The following MED13L variants were observed in gnomAD, a reference collection of about 807,000 sequenced individuals.
MED13L encodes mediator of RNA polymerase II transcription subunit 13-like.
Under a neutral mutation model 220.9 loss-of-function variants are expected in MED13L, and 7 were observed. The observed-to-expected ratio is 0.03, with a 90% confidence interval of 0.02 to 0.06. The LOEUF (loss-of-function observed/expected upper bound fraction) is 0.06, where lower values mean the gene tolerates loss of function less well. Among genes scored for constraint, MED13L ranks in the 10% least tolerant of loss-of-function variants. The pLI, the probability that MED13L is intolerant of heterozygous loss-of-function variation, is 1.00. For missense variants in MED13L, 1,965 were observed against 2,760.5 expected (o/e 0.71, Z 6.46); for synonymous variants, 1,011 against 1,015.2 (o/e 1.00, Z 0.08).
chr12:116,268,840 T>C (rs949647647), intron 1 of MED13L, among the ~76,000 whole-genome samples: 2 of 152,222 alleles, frequency 1.3e-5, no homozygotes, highest in African/African-American at 2.4e-5. Flanking sequence ...ATGTCTTAAA[T>C]ACATTCAACT....
At chr12:116,155,261 A>T (rs1337375039) in intron 2 of MED13L, among the ~76,000 whole-genome samples, 2 of 152,120 alleles carry the variant, frequency 1.3e-5, no homozygotes, top group Non-Finnish European at 2.9e-5. Flanking sequence ...GTCTCTACAA[A>T]AAATTTAAAA....
intron 4 of MED13L, among the ~76,000 whole-genome samples, chr12:116,031,752 A>G (rs200497121): frequency 0.015 from 468 of 31,198 alleles, 13 homozygotes; most frequent in East Asian, 0.027. Context: ...AAAGAAAAGA[A>G]AAGAAAAGAA....
chr12:116,190,605 T>C (rs1881208402), intron 2 of MED13L, among the ~76,000 whole-genome samples: 1 of 152,244 alleles, frequency 6.6e-6, no homozygotes, highest in Admixed American at 6.5e-5. Flanking sequence ...AACAATCTCA[T>C]ACTTTTTGTT....
intron 2 of MED13L, among the ~76,000 whole-genome samples, chr12:116,188,274 T>C (rs1357936765): frequency 6.6e-6 from 1 of 152,104 alleles, no homozygotes; most frequent in Non-Finnish European, 1.5e-5. Context: ...AGTTTGAGCA[T>C]AAGTATTCAT....
At chr12:116,112,524 T>C (rs1012927539) in intron 2 of MED13L, among the ~76,000 whole-genome samples, 2 of 152,216 alleles carry the variant, frequency 1.3e-5, no homozygotes, top group African/African-American at 2.4e-5. Context: ...TATCTTCTAT[T>C]AGACTTTCTG....
chr12:116,005,916 G>T lies in MED13L; in HGVS notation c.2422C>A (p.His808Asn). ...TQVTDLAPSL[H>N]DLDNIFDNSD... Reference sequence around the variant, plus strand: ...TTATCAAAGATGTTGTCTAAGTCATGCAGGGAAGGTGCCAAATCTGTTACC... The same window carrying T: ...TTATCAAAGATGTTGTCTAAGTCATTCAGGGAAGGTGCCAAATCTGTTACC... Residue 808 changes from histidine (H) to asparagine (N), a missense_variant, in exon 13 of 31, where the codon CAT becomes AAT. His to Asn is a moderately conservative substitution (Grantham distance 68). Transcript: ENST00000281928. 1 of 1,614,026 alleles carries T rather than the reference G, an allele frequency of 6.2e-7. No individual in the cohort carries two copies. Among genetic ancestry groups the T allele is most frequent in the South Asian group, 1.1e-5 (1 of 91,084 alleles).
chr12:115,993,948 C>T (rs1018150062), intron 16 of MED13L, among the ~76,000 whole-genome samples: 1 of 152,076 alleles, frequency 6.6e-6, no homozygotes, highest in Admixed American at 6.5e-5. Flanking sequence ...AAGGAGGAGT[C>T]CAGGGTGATG....
At position 116,190,949 on chromosome 12, in the gene MED13L, G is replaced by A. The variant is rs564270339; in HGVS notation, c.310+46519C>T. Among the ~76,000 whole-genome samples the A allele has an allele frequency of 1.6e-3, 237 of 151,998 alleles. 3 individuals carry two copies. In the Middle Eastern group the frequency reaches 0.017, roughly 11 times the overall value. On this transcript the variant is annotated intron_variant, in intron 2 of 30. Transcript: ENST00000281928. Reference sequence around the variant, plus strand: ...TCTACTAAAAATACAAAAATTAGTCGGGCGTGGTGGTGCGTGCCTGTAGTC... The same window carrying A: ...TCTACTAAAAATACAAAAATTAGTCAGGCGTGGTGGTGCGTGCCTGTAGTC...
chr12:116,274,404 C>A (rs1301213047), intron 1 of MED13L, among the ~76,000 whole-genome samples: 2 of 141,668 alleles, frequency 1.4e-5, no homozygotes, highest in African/African-American at 5.3e-5. Context: ...AAATACTTTT[C>A]TCTGCAAAAA....
chr12:115,987,387 G>A (rs540150491), intron 17 of MED13L, 99 bp from the exon 18 acceptor site: 18 of 1,088,028 alleles, frequency 1.7e-5, no homozygotes, highest in South Asian at 1.5e-4. Flanking sequence ...GAACAATGAC[G>A]TTATTAGCTG....
chr12:116,224,129 G>A (rs1296845562), intron 2 of MED13L, among the ~76,000 whole-genome samples: 2 of 152,138 alleles, frequency 1.3e-5, no homozygotes, highest in African/African-American at 4.8e-5. Context: ...ATAATCTGCT[G>A]GGAGCTTCTA....
At chr12:116,155,708 T>A (rs766162147) in intron 2 of MED13L, among the ~76,000 whole-genome samples, 4 of 152,128 alleles carry the variant, frequency 2.6e-5, no homozygotes, top group Non-Finnish European at 5.9e-5. Context: ...TTCACACTTT[T>A]CTATAAACAA....
At chr12:116,015,968 TTATAAA>T (rs138874811) in intron 7 of MED13L, among the ~76,000 whole-genome samples, 6,704 of 152,218 alleles carry the variant, frequency 0.044, 177 homozygotes, top group East Asian at 0.087. Flanking sequence ...AATACAGTGG[TTATAAA>T]TATAATCTAT....
intron 4 of MED13L, among the ~76,000 whole-genome samples, chr12:116,063,501 G>A (rs1262431635): frequency 6.6e-6 from 1 of 152,172 alleles, no homozygotes; most frequent in Admixed American, 6.5e-5. Flanking sequence ...CTGGGCAACA[G>A]AACAAGACCC....
At chr12:116,013,113 T>C (rs11067877) in intron 8 of MED13L, among the ~76,000 whole-genome samples, 1 of 152,266 alleles carries the variant, frequency 6.6e-6, no homozygotes, top group Admixed American at 6.5e-5. Flanking sequence ...TGGTTCATAC[T>C]TGTAATCCCA....
intron 2 of MED13L, among the ~76,000 whole-genome samples, chr12:116,132,566 G>C (rs137857691): frequency 6.7e-4 from 101 of 151,566 alleles, no homozygotes; most frequent in African/African-American, 2.3e-3. Context: ...TTTTCTACTT[G>C]CTTTTTTTTT....
chr12:116,062,149 TA>T (rs1051287539), intron 4 of MED13L, among the ~76,000 whole-genome samples: 11 of 152,212 alleles, frequency 7.2e-5, no homozygotes, highest in African/African-American at 2.6e-4. Context: ...TGCATGCCTG[TA>T]GTGCAGTTTT....
chr12:116,167,350 G>C (rs963610267), intron 2 of MED13L, among the ~76,000 whole-genome samples: 3 of 152,108 alleles, frequency 2.0e-5, no homozygotes, highest in Non-Finnish European at 2.9e-5. Flanking sequence ...GGGTACAAAA[G>C]ATTTGATGCC....
At chr12:116,204,491 T>C (rs1882194456) in intron 2 of MED13L, among the ~76,000 whole-genome samples, 1 of 152,254 alleles carries the variant, frequency 6.6e-6, no homozygotes, top group African/African-American at 2.4e-5. Context: ...ATCCTATTTT[T>C]CAGCGTAGAT....
Sources: allele counts gnomAD v4.1 joint callset (sites outside exome capture counted in the v4.1 genomes callset), GRCh38; gene constraint gnomAD v4.1.1; transcripts MANE v1.5; gene names NCBI Gene and HGNC (gene_info 2026-07-23, HGNC 2026-07-21).